PSMC6: variants seen among roughly 807,000 people sequenced by gnomAD.
PSMC6 encodes 26S proteasome regulatory subunit 10B.
PSMC6 carries 3 observed loss-of-function variants against 55.9 expected under a neutral mutation model. The ratio of observed to expected loss-of-function variants is 0.05; its 90% CI spans 0.02 to 0.14. The LOEUF is 0.14. PSMC6 is among the 10% of genes least tolerant of loss of function. The pLI is 1.00. For missense variants in PSMC6, 210 were observed against 478.7 expected (o/e 0.44, Z 5.24); for synonymous variants, 137 against 155.9 (o/e 0.88, Z 0.90).
chr14:52,712,726 C>T (rs2041787435), intron 6 of PSMC6, among the ~76,000 whole-genome samples: 1 of 151,836 alleles, frequency 6.6e-6, no homozygotes, highest in African/African-American at 2.4e-5. Context: ...AGGCTGAAGT[C>T]ATCCTCTCAC....
At chr14:52,726,868 C>T (rs1377430059) in intron 13 of PSMC6, among the ~76,000 whole-genome samples, 1 of 152,030 alleles carries the variant, frequency 6.6e-6, no homozygotes, top group Non-Finnish European at 1.5e-5. Context: ...TCTCGAACTC[C>T]CGACCCCAGG....
In PSMC6 at chr14:52,707,253, T is replaced by C. The variant is rs1290570124; in HGVS notation, c.34T>C (p.Tyr12His). Residue 12 changes from tyrosine to histidine, a missense_variant, in exon 1 of 14, where the codon TAC becomes CAC. Physicochemically the swap from Tyr to His is moderately conservative, Grantham distance 83. Around this residue, in one of 4 missense-constraint regions of PSMC6, gnomAD observed 26 missense variants for 16.9 expected, o/e 1.54. Transcript: ENST00000445930. ...CCCTAGAGATAAGGCGCTTCAGGAC[T>C]ACCGCAAGAAGTTGCTTGAACACAA... ...ADPRDKALQD[Y>H]RKKLLEHKEI... The C allele has an allele frequency of 9.9e-6, 16 of 1,613,300 alleles. No individual in the cohort carries two copies. Among genetic ancestry groups the C allele is most frequent in the Non-Finnish European group, 1.2e-5 (14 of 1,179,700 alleles).
At chr14:52,711,348 C>A (rs752593523) in intron 5 of PSMC6, 62 bp from the exon 6 acceptor site, 10 of 1,390,596 alleles carry the variant, frequency 7.2e-6, no homozygotes, top group South Asian at 1.2e-5. Flanking sequence ...TATTTATATG[C>A]TATCTGTAGG....
chr14:52,710,924 A>G, intron 4 of PSMC6, 177 bp from the exon 5 acceptor site: 13 of 639,354 alleles, frequency 2.0e-5, no homozygotes, highest in South Asian at 5.3e-5. Flanking sequence ...AGCAGGTGGA[A>G]ATCACTTTGA....
In PSMC6 at chr14:52,720,964, G is replaced by T; in HGVS notation, c.881G>T (p.Arg294Ile). ...TLDPALLRPG[R>I]LDRKIHIDLP... ...GATCCTGCTTTGCTGCGTCCAGGAA[G>T]ATTAGATAGAAAAATACGTGAGTTA... is the stretch of plus-strand genomic sequence containing the variant. The change falls in exon 11 of 14, where the codon AGA (arginine) becomes ATA (isoleucine). Residue 294 changes from arginine (R) to isoleucine (I), a missense_variant. Physicochemically the swap from Arg to Ile is moderately conservative, Grantham distance 97 (BLOSUM62 -3). Coordinates refer to ENST00000445930, the MANE Select transcript of PSMC6 (RefSeq NM_002806.5). 1 of 1,613,160 alleles carries T rather than the reference G, an allele frequency of 6.2e-7. No individual in the cohort carries two copies. Among genetic ancestry groups the T allele is most frequent in the East Asian group, 2.2e-5 (1 of 44,820 alleles).
rs1301574290 is a variant in PSMC6, at chr14:52,727,906, A to T, written c.*289A>T. Reference sequence around the variant, plus strand: ...TGAAAGTGGTTTGAGATAGTGGTATAAGAAAGCATTTCTTATGACTTATTT... The same window carrying T: ...TGAAAGTGGTTTGAGATAGTGGTATTAGAAAGCATTTCTTATGACTTATTT... On this transcript the variant is annotated 3_prime_UTR_variant, in exon 14 of 14. Transcript: ENST00000445930. The T allele has an allele frequency of 4.1e-6, 1 of 242,116 alleles. No homozygotes were observed. The highest frequency in any genetic ancestry group is 9.8e-5 in the East Asian group (1 of 10,178). The allele number at this position is 242,116 out of a possible 1,614,324, so 15.0% of individuals were successfully genotyped here. A position where few individuals can be genotyped will look rare whatever the true frequency, so the allele number is the denominator to read the frequency against.
intron 9 of PSMC6, 100 bp from the exon 10 acceptor site, chr14:52,718,877 C>T (rs2041859286): frequency 7.8e-6 from 7 of 902,338 alleles, no homozygotes; most frequent in African/African-American, 5.1e-5. Context: ...TAATTTTCAT[C>T]TTAATGTTTT....
chr14:52,723,923 G>T (rs372327169), intron 12 of PSMC6, 42 bp from the exon 13 acceptor site: 1 of 1,603,200 alleles, frequency 6.2e-7, no homozygotes, highest in East Asian at 2.2e-5. Flanking sequence ...TCAAGTAAAG[G>T]TCTAATTTTT....
Position 52,710,884 on chromosome 14 carries a change from G to T in PSMC6, c.259-217G>T, listed in dbSNP as rs1251880179. On this transcript the variant is annotated intron_variant, in intron 4 of 13. Transcript: ENST00000445930. ...TGTTAGTCATTTCACATTTTACACT[G>T]AGATTACACAAAGGGGCATGCTTTT... 20 of 548,166 alleles carry T rather than the reference G, an allele frequency of 3.6e-5. No homozygotes were observed. In the East Asian group the frequency reaches 6.8e-4, roughly 19 times the overall value. 34.0% of individuals were successfully genotyped at this position (548,166 alleles called of 1,614,324 possible).
chr14:52,721,394 A>G lies in PSMC6; in HGVS notation c.979+204A>G, dbSNP rs1594853552. On this transcript the variant is annotated intron_variant, in intron 12 of 13. Coordinates refer to ENST00000445930, the MANE Select transcript of PSMC6 (RefSeq NM_002806.5). Reference sequence around the variant, plus strand: ...AGGGCTGACAATATAGCAAGGAACAAAACAGACAAATTTCTGCCATTAGAG... The same window carrying G: ...AGGGCTGACAATATAGCAAGGAACAGAACAGACAAATTTCTGCCATTAGAG... 6 of 462,396 alleles carry G rather than the reference A, an allele frequency of 1.3e-5. No individual in the cohort carries two copies. In the South Asian group the frequency reaches 2.9e-4, roughly 23 times the overall value. The allele number at this position is 462,396 out of a possible 1,614,324, so 28.6% of individuals were successfully genotyped here.
At chr14:52,711,605 G>GAAAAAGTACTATTTAGAC in intron 6 of PSMC6, 81 bp downstream of exon 6, 1 of 892,916 alleles carries the variant, frequency 1.1e-6, no homozygotes, top group Non-Finnish European at 1.7e-6. Flanking sequence ...GAAACAGGAT[G>GAAAAAGTACTATTTAGAC]AAAAAGTACT....
intron 4 of PSMC6, chr14:52,709,612 T>C (rs2041743803): frequency 2.2e-6 from 1 of 455,864 alleles, no homozygotes. Flanking sequence ...TTCTAAGATA[T>C]TTCAGGTTGC....
chr14:52,710,698 A>G, intron 4 of PSMC6: 1 of 223,638 alleles, frequency 4.5e-6, no homozygotes, highest in Non-Finnish European at 8.8e-6. Context: ...AGCATTTAAC[A>G]CATTCTTCCC....
rs2041827362 is a variant in PSMC6, at chr14:52,716,066, T to A, written c.530-2015T>A. Among the ~76,000 whole-genome samples, 2 of 152,240 alleles carry A rather than the reference T, an allele frequency of 1.3e-5. 1 individual carries two copies. Among genetic ancestry groups the A allele is most frequent in the South Asian group, 4.1e-4 (2 of 4,838 alleles). ...CCAGTAGTTTCCAAATAATCAATGC[T>A]TGATATTAAAATATTCATAAGTAAA... is the stretch of plus-strand genomic sequence containing the variant. On this transcript the variant is annotated intron_variant, in intron 7 of 13. Transcript: ENST00000445930.
intron 1 of PSMC6, 108 bp downstream of exon 1, chr14:52,707,412 G>T (rs532985523): frequency 1.7e-5 from 24 of 1,447,814 alleles, no homozygotes; most frequent in Non-Finnish European, 2.2e-5. Flanking sequence ...GAGATGACCA[G>T]GCCTAGGGCC....
chr14:52,725,476 A>G (rs1880373858), intron 13 of PSMC6, among the ~76,000 whole-genome samples: 1 of 152,220 alleles, frequency 6.6e-6, no homozygotes, highest in Non-Finnish European at 1.5e-5. Flanking sequence ...ATTCAACTAC[A>G]GTTGCCCTTC....
chr14:52,721,515 T>TG lies in PSMC6; in HGVS notation c.979+331dup, dbSNP rs530958081. 236 of 179,042 alleles carry TG rather than the reference T, an allele frequency of 1.3e-3. 1 individual carries two copies. Among genetic ancestry groups the TG allele is most frequent in the African/African-American group, 5.4e-3 (229 of 42,070 alleles). 11.1% of individuals were successfully genotyped at this position (179,042 alleles called of 1,614,324 possible). ...TATGGAGAAAAATAAAGCAAGAAAG[T>TG]GGGGGGCGGGCATGGTGGCTCACTC... is the stretch of plus-strand genomic sequence containing the variant. On this transcript the variant is annotated intron_variant, in intron 12 of 13. Coordinates refer to ENST00000445930, the MANE Select transcript of PSMC6 (RefSeq NM_002806.5).
chr14:52,708,227 G>A (rs1408907790), intron 1 of PSMC6, 82 bp from the exon 2 acceptor site: 4 of 1,194,880 alleles, frequency 3.3e-6, no homozygotes, highest in East Asian at 2.5e-5. Flanking sequence ...GTAGACTTAC[G>A]TAAACAGTAA....
chr14:52,726,711 G>A (rs1165127371), intron 13 of PSMC6, among the ~76,000 whole-genome samples: 4 of 151,928 alleles, frequency 2.6e-5, no homozygotes, highest in Non-Finnish European at 4.4e-5. Context: ...GTGCGATCTT[G>A]GCTCACTGCA....
Sources: gnomAD v4.1 joint callset for allele counts (sites outside exome capture counted in the v4.1 genomes callset) on GRCh38, gnomAD v4.1.1 for gene constraint, gnomAD v4.1.1 regional missense constraint, MANE v1.5 for transcripts, NCBI Gene and HGNC (gene_info 2026-07-23, HGNC 2026-07-21) for gene names.